Variants in PKD2 observed in about 807,000 individuals in gnomAD.
PKD2 encodes the protein polycystin 2, transient receptor potential cation channel.
A neutral mutation model predicts 105.9 loss-of-function variants in PKD2; 48 were observed. That is an observed-to-expected ratio of 0.45 (90% CI 0.36 to 0.58). The LOEUF is 0.58. Among genes scored for constraint, PKD2 ranks in the 20% least tolerant of loss-of-function variants. The probability of loss-of-function intolerance (pLI) is 0.00; values close to 1 mark genes in which losing one functional copy is unlikely to be tolerated. For synonymous variants in PKD2, 464 were observed against 481.1 expected, an observed-to-expected ratio of 0.96 and a Z score of 0.46; for missense variants, 1,078 against 1,255.3, an observed-to-expected ratio of 0.86 and a Z score of 2.13.
In PKD2 at chr4:88,076,931, G is replaced by T. The variant is rs10965; in HGVS notation, c.*1237G>T. 6.6e-6 allele frequency: 1 copy of T among 151,986 alleles called. No individual in the cohort carries two copies. The highest frequency in any genetic ancestry group is 6.6e-5 in the Admixed American group (1 of 15,264). The allele number at this position is 151,986 out of a possible 1,614,324, so 9.4% of individuals were successfully genotyped here. On this transcript the variant is annotated 3_prime_UTR_variant, in exon 15 of 15. Transcript: ENST00000237596. ...TCAGTCTAATAAAAAAGAGGTTTTG[G>T]TATTAAAAGTTCATACATTAGACAG...
intron 2 of PKD2, among the ~76,000 whole-genome samples, chr4:88,029,395 C>T (rs887955414): frequency 6.6e-6 from 1 of 152,186 alleles, no homozygotes; most frequent in African/African-American, 2.4e-5. Flanking sequence ...CTAGTACCAG[C>T]TTCTGCTGGA....
At chr4:88,055,336 T>C (rs1232703720) in intron 7 of PKD2, among the ~76,000 whole-genome samples, 1 of 152,136 alleles carries the variant, frequency 6.6e-6, no homozygotes, top group Non-Finnish European at 1.5e-5. Context: ...ATAATTAATT[T>C]TTATTTGTGT....
At chr4:88,069,561 T>C (rs1578149980) in intron 13 of PKD2, among the ~76,000 whole-genome samples, 1 of 152,062 alleles carries the variant, frequency 6.6e-6, no homozygotes, top group African/African-American at 2.4e-5. Context: ...TTTTTTCCTC[T>C]TCCCTCTTTT....
At chr4:88,026,856 C>G (rs1726976411) in intron 2 of PKD2, among the ~76,000 whole-genome samples, 1 of 152,344 alleles carries the variant, frequency 6.6e-6, no homozygotes, top group Non-Finnish European at 1.5e-5. Flanking sequence ...CAAGGTACAG[C>G]TGGACCATTG....
rs57470805 is a variant in PKD2, at chr4:88,070,574, T to TTA, written c.2522+2540_2522+2541dup. Among the ~76,000 whole-genome samples the TTA allele has an allele frequency of 3.0e-3, 340 of 113,882 alleles. 1 individual carries two copies. Among genetic ancestry groups the TTA allele is most frequent in the East Asian group, 0.012 (56 of 4,484 alleles). The allele number at this position is 113,882 out of a possible 152,430, so 74.7% of individuals were successfully genotyped here. ...TTATTTATTTATTTATTTATTTATT[T>TTA]TATATATATATATATATATATATAT... On this transcript the variant is annotated intron_variant, in intron 13 of 14. Coordinates refer to ENST00000237596, the MANE Select transcript of PKD2 (RefSeq NM_000297.4).
intron 2 of PKD2, among the ~76,000 whole-genome samples, chr4:88,023,460 G>A (rs958082584): frequency 1.3e-5 from 2 of 152,186 alleles, no homozygotes; most frequent in African/African-American, 4.8e-5. Context: ...CAGCATTGGG[G>A]ATTATGTTTC....
chr4:88,040,293 C>G (rs1189355282), intron 4 of PKD2, among the ~76,000 whole-genome samples: 4 of 152,182 alleles, frequency 2.6e-5, no homozygotes, highest in Admixed American at 6.5e-5. Context: ...TGTCGACGCT[C>G]TCAGCTCCCC....
chr4:88,046,236 GCTATGATTGCAACA>G (rs1727758864), intron 5 of PKD2, among the ~76,000 whole-genome samples: 2 of 152,158 alleles, frequency 1.3e-5, no homozygotes, highest in Non-Finnish European at 2.9e-5. Context: ...GCAGCAGTGA[GCTATGATTGCAACA>G]CTGCACTCCA....
At chr4:88,040,579 T>G (rs1165866739) in intron 4 of PKD2, among the ~76,000 whole-genome samples, 2 of 152,318 alleles carry the variant, frequency 1.3e-5, no homozygotes, top group African/African-American at 4.8e-5. Context: ...TTCCATTTCC[T>G]TACCATCAAT....
intron 2 of PKD2, among the ~76,000 whole-genome samples, chr4:88,025,714 A>G (rs1354300174): frequency 6.6e-6 from 1 of 152,208 alleles, no homozygotes; most frequent in Middle Eastern, 3.2e-3. Context: ...CTCATCTCCA[A>G]TTGTAATCCC....
chr4:88,042,499 C>T (rs1161225734), intron 4 of PKD2, among the ~76,000 whole-genome samples: 1 of 152,154 alleles, frequency 6.6e-6, no homozygotes, highest in Non-Finnish European at 1.5e-5. Flanking sequence ...TGACCATTCA[C>T]CTGTGCAAGT....
At position 88,053,237 on chromosome 4, in the gene PKD2, C is replaced by G. The variant is rs1403436623; in HGVS notation, c.1716+1079C>G. Among the ~76,000 whole-genome samples, 3 of 152,302 alleles carry G rather than the reference C, an allele frequency of 2.0e-5. No homozygotes were observed. The South Asian group carries it at 6.2e-4, about 32-fold the overall frequency. On this transcript the variant is annotated intron_variant, in intron 7 of 14. Coordinates refer to ENST00000237596, the MANE Select transcript of PKD2 (RefSeq NM_000297.4). ...AGTGTTCAATGGCTACTGTCTAGGACAGTGGAAATGTAGAACATTTCCATC... is the reference window on the plus strand; with the variant it reads ...AGTGTTCAATGGCTACTGTCTAGGAGAGTGGAAATGTAGAACATTTCCATC...
intron 8 of PKD2, among the ~76,000 whole-genome samples, chr4:88,057,734 T>A (rs1460856301): frequency 1.3e-5 from 2 of 152,166 alleles, no homozygotes; most frequent in Admixed American, 1.3e-4. Context: ...GTGCCCAGCT[T>A]GTGTTTTCTT....
At chr4:88,024,835 T>C (rs1339007251) in intron 2 of PKD2, among the ~76,000 whole-genome samples, 1 of 152,144 alleles carries the variant, frequency 6.6e-6, no homozygotes, top group Non-Finnish European at 1.5e-5. Flanking sequence ...ATAAATATTT[T>C]ATAGAGTAGA....
At chr4:88,036,392 G>A (rs766547123) in intron 3 of PKD2, 39 bp downstream of exon 3, 1 of 1,610,832 alleles carries the variant, frequency 6.2e-7, no homozygotes, top group South Asian at 1.1e-5. Context: ...CTCTATCACA[G>A]AAAATTGTTC....
intron 2 of PKD2, among the ~76,000 whole-genome samples, chr4:88,030,185 T>C (rs756036132): frequency 5.3e-5 from 8 of 152,200 alleles, no homozygotes; most frequent in Non-Finnish European, 5.9e-5. Flanking sequence ...AGGGTCTCAC[T>C]CTGTCACCCA....
At chr4:88,064,728 CAA>C (rs1038939820) in intron 10 of PKD2, among the ~76,000 whole-genome samples, 1 of 131,502 alleles carries the variant, frequency 7.6e-6, no homozygotes. Flanking sequence ...CCTGTCTCTA[CAA>C]AAAAAAAAAA....
At chr4:88,047,258 C>T (rs1459178303) in intron 6 of PKD2, among the ~76,000 whole-genome samples, 1 of 151,734 alleles carries the variant, frequency 6.6e-6, no homozygotes, top group Non-Finnish European at 1.5e-5. Flanking sequence ...GAAGTTACAG[C>T]AATAAAAAAA....
chr4:88,042,673 A>G (rs781480191), intron 4 of PKD2, among the ~76,000 whole-genome samples: 1 of 152,004 alleles, frequency 6.6e-6, no homozygotes, highest in Non-Finnish European at 1.5e-5. Flanking sequence ...TCCACCTTGT[A>G]TTTTACTTGT....
Sources: allele counts gnomAD v4.1 joint callset (sites outside exome capture counted in the v4.1 genomes callset), GRCh38; gene constraint gnomAD v4.1.1; transcripts MANE v1.5; gene names NCBI Gene and HGNC (gene_info 2026-07-23, HGNC 2026-07-21).